The following CADPS variants were observed in gnomAD, a reference collection of about 807,000 sequenced individuals.
The protein encoded by CADPS is calcium dependent secretion activator.
CADPS carries 57 observed loss-of-function variants against 167.3 expected under a neutral mutation model. The ratio of observed to expected loss-of-function variants is 0.34; its 90% confidence interval spans 0.28 to 0.42. The LOEUF is 0.42. CADPS is among the 20% of genes least tolerant of loss of function. CADPS has a pLI of 1.00. For synonymous variants in CADPS, 676 were observed against 635.3 expected (o/e 1.06, Z -0.96); for missense variants, 1,414 against 1,738.1 (o/e 0.81, Z 3.32).
intron 26 of CADPS, among the ~76,000 whole-genome samples, chr3:62,461,386 G>A (rs536056502): frequency 2.6e-5 from 4 of 152,182 alleles, no homozygotes; most frequent in Non-Finnish European, 5.9e-5. Context: ...GGCAGAGCTG[G>A]GTTACCATCC....
chr3:62,723,896 TG>T (rs1330646788), intron 3 of CADPS, among the ~76,000 whole-genome samples: 1 of 152,190 alleles, frequency 6.6e-6, no homozygotes, highest in Non-Finnish European at 1.5e-5. Flanking sequence ...TGGGAGGCCT[TG>T]GAGAGGCTTT....
intron 24 of CADPS, chr3:62,469,644 A>C (rs1405669437): frequency 6.1e-6 from 1 of 164,090 alleles, no homozygotes; most frequent in African/African-American, 2.4e-5. Context: ...AGTAGCTAGG[A>C]CTACAGGTGT....
chr3:62,721,925 C>T (rs1301348421), intron 3 of CADPS, among the ~76,000 whole-genome samples: 4 of 152,152 alleles, frequency 2.6e-5, no homozygotes. Flanking sequence ...GGGTTCAAAA[C>T]ATGATGCTAA....
rs529140752 is a variant in CADPS, at chr3:62,857,047, A to T, written c.441+17542T>A. Among the ~76,000 whole-genome samples the T allele has an allele frequency of 7.2e-5, 11 of 152,206 alleles. No homozygotes were observed. In the South Asian group the frequency reaches 2.3e-3, roughly 32 times the overall value. ...AAATATGTCGAACAACATAACAAAC[A>T]TAAAAACGGTCCATCACAAATGACA... On this transcript the variant is annotated intron_variant, in intron 1 of 29. Coordinates refer to ENST00000383710, the MANE Select transcript of CADPS (RefSeq NM_003716.4).
At chr3:62,856,965 TAA>T (rs1218141777) in intron 1 of CADPS, among the ~76,000 whole-genome samples, 4 of 151,502 alleles carry the variant, frequency 2.6e-5, no homozygotes, top group African/African-American at 9.7e-5. Flanking sequence ...CCAGGAATTA[TAA>T]AGAGGAAAAG....
At chr3:62,441,073 A>G (rs2056227534) in intron 27 of CADPS, 1 of 152,250 alleles carries the variant, frequency 6.6e-6, no homozygotes, top group African/African-American at 2.4e-5. Flanking sequence ...CTGTTCACAA[A>G]CAAGCTAACC....
At chr3:62,445,722 A>AAC (rs1560479522) in intron 27 of CADPS, 43 bp downstream of exon 27, 9 of 1,402,306 alleles carry the variant, frequency 6.4e-6, no homozygotes, top group Non-Finnish European at 7.7e-6. Flanking sequence ...GAAAAAAAAA[A>AAC]AAAACAAAAA....
At chr3:62,444,553 C>T (rs368154352) in intron 27 of CADPS, among the ~76,000 whole-genome samples, 2 of 152,180 alleles carry the variant, frequency 1.3e-5, no homozygotes, top group East Asian at 3.8e-4. Flanking sequence ...TAAGTTCTCT[C>T]CCTGCTGCAG....
Position 62,399,393 on chromosome 3 carries a change from A to G in CADPS, c.*13T>C, listed in dbSNP as rs748841549. ...ACAGGACTCTGTCCCAGCAGACTCTAGGACCAAATGGTCTAATCGTCTTCT... is the reference window on the plus strand; with the variant it reads ...ACAGGACTCTGTCCCAGCAGACTCTGGGACCAAATGGTCTAATCGTCTTCT... On this transcript the variant is annotated 3_prime_UTR_variant, in exon 30 of 30. Coordinates refer to ENST00000383710, the MANE Select transcript of CADPS (RefSeq NM_003716.4). The surrounding 1 kb of genome is among the most constrained non-coding windows in gnomAD (Gnocchi z 5.6). The G allele has an allele frequency of 6.2e-7, 1 of 1,612,402 alleles. No homozygotes were observed. The highest frequency in any genetic ancestry group is 1.1e-5 in the South Asian group (1 of 91,044).
intron 28 of CADPS, chr3:62,404,494 G>T (rs899027609): frequency 6.6e-6 from 1 of 152,292 alleles, no homozygotes; most frequent in African/African-American, 2.4e-5. Context: ...GTTTTTACTT[G>T]CAAGGTAGAA....
intron 1 of CADPS, among the ~76,000 whole-genome samples, chr3:62,865,630 A>G (rs1004337811): frequency 1.3e-5 from 2 of 151,992 alleles, no homozygotes; most frequent in African/African-American, 4.8e-5. Context: ...TTGTTAAAAT[A>G]AAAGGAATAA....
At chr3:62,466,472 C>A in intron 24 of CADPS, 59 bp from the exon 25 acceptor site, 1 of 1,104,400 alleles carries the variant, frequency 9.1e-7, no homozygotes, top group Non-Finnish European at 1.4e-6. Flanking sequence ...CTGCATCCGT[C>A]AGTAATTTTT....
rs890604299 is a variant in CADPS at position 62,602,195 on chromosome 3, G to A, written c.1326-9447C>T. Among the ~76,000 whole-genome samples the A allele has an allele frequency of 6.7e-6, 1 of 149,168 alleles. No individual in the cohort carries two copies. Among genetic ancestry groups the A allele is most frequent in the Admixed American group, 6.7e-5 (1 of 14,858 alleles). The stretch of plus-strand genomic sequence containing the variant: ...TATTTACGAATGCATATGTGAGTAA[G>A]CCAAGAACACATCTACGTTAGGCAA... On this transcript the variant is annotated intron_variant, in intron 6 of 29. Coordinates refer to ENST00000383710, the MANE Select transcript of CADPS (RefSeq NM_003716.4). This position sits in a 1 kb window ranked among gnomAD's most constrained non-coding sequence, Gnocchi z 4.4.
intron 6 of CADPS, among the ~76,000 whole-genome samples, chr3:62,643,548 C>T (rs9850816): frequency 0.018 from 2,744 of 152,208 alleles, 75 homozygotes; most frequent in African/African-American, 0.062. Context: ...GCAGGTAGAC[C>T]CAATCATTCT....
chr3:62,721,320 A>G (rs2075787178), intron 3 of CADPS, among the ~76,000 whole-genome samples: 1 of 151,970 alleles, frequency 6.6e-6, no homozygotes, highest in African/African-American at 2.4e-5. Flanking sequence ...GTGCCTAACA[A>G]TACTGTTCAC....
Position 62,433,077 on chromosome 3 carries a change from C to G in CADPS, c.3777+5027G>C, listed in dbSNP as rs1045647276. ...TATAGCGTCATGTCCTCCTTGTAGC[C>G]TATTATTTGGTACTTTCATCCTCCA... On this transcript the variant is annotated intron_variant, in intron 28 of 29. Transcript: ENST00000383710. This position sits in a 1 kb window ranked among gnomAD's most constrained non-coding sequence, Gnocchi z 4.7. Among the ~76,000 whole-genome samples the G allele has an allele frequency of 2.0e-5, 3 of 152,086 alleles. No individual in the cohort carries two copies. The highest frequency in any genetic ancestry group is 7.2e-5 in the African/African-American group (3 of 41,400).
At chr3:62,741,479 C>G (rs1003756264) in intron 3 of CADPS, among the ~76,000 whole-genome samples, 13 of 152,088 alleles carry the variant, frequency 8.5e-5, no homozygotes, top group African/African-American at 2.9e-4. Flanking sequence ...ATATACAAAT[C>G]GATAAATGTG....
rs540844400 is a variant in CADPS at position 62,780,572 on chromosome 3, C to T, written c.442-14588G>A. Among the ~76,000 whole-genome samples, 5 of 152,236 alleles carry T rather than the reference C, an allele frequency of 3.3e-5. No individual in the cohort carries two copies. In the East Asian group the frequency reaches 5.8e-4, roughly 18 times the overall value. On this transcript the variant is annotated intron_variant, in intron 1 of 29. Transcript: ENST00000383710. ...AGTTTGTTTGAATTACTTTTTTCTA[C>T]TGATTAGGTCCAGACTCTATGAAGC...
chr3:62,780,324 G>T (rs6802803), intron 1 of CADPS, among the ~76,000 whole-genome samples: 114,631 of 151,630 alleles, frequency 0.76, 46,234 homozygotes, highest in East Asian at 0.91. Context: ...AGGCTGAGAT[G>T]GGAGAATTGT....
Sources: gnomAD v4.1 joint callset for allele counts (sites outside exome capture counted in the v4.1 genomes callset) on GRCh38, gnomAD v4.1.1 for gene constraint, Gnocchi (gnomAD v3.1) non-coding constraint, MANE v1.5 for transcripts, NCBI Gene and HGNC (gene_info 2026-07-23, HGNC 2026-07-21) for gene names.